NCS1: variants seen among roughly 807,000 people sequenced by gnomAD.
The protein encoded by NCS1 is neuronal calcium sensor 1.
A neutral mutation model predicts 28.4 loss-of-function variants in NCS1; 6 were observed. That is an observed-to-expected ratio of 0.21 (90% confidence interval 0.12 to 0.42). The LOEUF (loss-of-function observed/expected upper bound fraction) is 0.42, where lower values mean the gene tolerates loss of function less well. Ranked by LOEUF, NCS1 falls within the 10% of genes least tolerant of loss-of-function variation. The probability of loss-of-function intolerance (pLI) is 1.00; values close to 1 mark genes in which losing one functional copy is unlikely to be tolerated. For missense variants in NCS1, 131 were observed against 241.4 expected, an observed-to-expected ratio of 0.54 and a Z score of 3.03; for synonymous variants, 86 against 99.3, an observed-to-expected ratio of 0.87 and a Z score of 0.79.
intron 7 of NCS1, among the ~76,000 whole-genome samples, chr9:130,227,067 T>C (rs1483104982): frequency 5.5e-5 from 8 of 146,074 alleles, no homozygotes; most frequent in Non-Finnish European, 1.1e-4. Flanking sequence ...AAGAAAAGAA[T>C]TGTCCTGGGT....
chr9:130,193,046 G>A (rs1832837513), intron 1 of NCS1, among the ~76,000 whole-genome samples: 1 of 152,238 alleles, frequency 6.6e-6, no homozygotes, highest in Non-Finnish European at 1.5e-5. Flanking sequence ...TCTTCGCTTT[G>A]AGGAACTGCC....
At chr9:130,210,079 G>A (rs1554908569) in intron 2 of NCS1, among the ~76,000 whole-genome samples, 1 of 152,090 alleles carries the variant, frequency 6.6e-6, no homozygotes, top group African/African-American at 2.4e-5. Flanking sequence ...GTACGTCCCC[G>A]CCCATGTACT....
intron 2 of NCS1, among the ~76,000 whole-genome samples, chr9:130,207,788 G>A (rs1833047902): frequency 6.6e-6 from 1 of 152,190 alleles, no homozygotes; most frequent in Non-Finnish European, 1.5e-5. Context: ...GGCATCCCAC[G>A]GTGCCAGCTC....
At chr9:130,195,205 C>T (rs1832863010) in intron 1 of NCS1, among the ~76,000 whole-genome samples, 1 of 152,216 alleles carries the variant, frequency 6.6e-6, no homozygotes, top group Admixed American at 6.5e-5. Flanking sequence ...GACCACAGAT[C>T]AGAGGGAGCC....
rs1461534005 is a variant in NCS1 at position 130,219,871 on chromosome 9, C to T, written c.307+68C>T. Reference sequence around the variant, plus strand: ...GCCCAGGTCAGAGGGAGGCAGCCCTCGGCCCTCACCAGGCAGGGGTGCCAG... The same window carrying T: ...GCCCAGGTCAGAGGGAGGCAGCCCTTGGCCCTCACCAGGCAGGGGTGCCAG... On this transcript the variant is annotated intron_variant, in intron 4 of 7. Coordinates refer to ENST00000372398, the MANE Select transcript of NCS1 (RefSeq NM_014286.4). This position sits in a 1 kb window ranked among gnomAD's most constrained non-coding sequence, Gnocchi z 5.7. 22 of 1,520,644 alleles carry T rather than the reference C, an allele frequency of 1.4e-5. No individual in the cohort carries two copies. Among genetic ancestry groups the T allele is most frequent in the East Asian group, 1.4e-4 (6 of 44,368 alleles). 94.2% of individuals were successfully genotyped at this position (1,520,644 alleles called of 1,614,324 possible).
intron 1 of NCS1, chr9:130,200,737 G>C: frequency 6.9e-7 from 1 of 1,446,536 alleles, no homozygotes; most frequent in Non-Finnish European, 9.5e-7. Flanking sequence ...TTGGGCACCG[G>C]GAAGGGGTGG....
At chr9:130,183,452 G>T (rs1832692448) in intron 1 of NCS1, among the ~76,000 whole-genome samples, 1 of 152,202 alleles carries the variant, frequency 6.6e-6, no homozygotes, top group African/African-American at 2.4e-5. Context: ...GGGGAGGGCA[G>T]GAGGAATGTG....
intron 2 of NCS1, among the ~76,000 whole-genome samples, chr9:130,207,577 A>G (rs2131141357): frequency 6.6e-6 from 1 of 152,336 alleles, no homozygotes; most frequent in East Asian, 1.9e-4. Context: ...GCTGACATAT[A>G]GCAGCTGCCA....
At chr9:130,213,376 C>CAAG (rs1554908990) in intron 2 of NCS1, among the ~76,000 whole-genome samples, 9 of 150,642 alleles carry the variant, frequency 6.0e-5, no homozygotes, top group East Asian at 2.0e-4. Flanking sequence ...CTCCTGGGTT[C>CAAG]TCACCATTCT....
At position 130,181,486 on chromosome 9, in the gene NCS1, A is replaced by C. The variant is rs1460792845; in HGVS notation, c.64+8759A>C. ...TTGGTGTTCACGTGTGTTCCTCACC[A>C]ATTCCACCCAGGAGCCCTGTGGGGG... On this transcript the variant is annotated intron_variant, in intron 1 of 7. Coordinates refer to ENST00000372398, the MANE Select transcript of NCS1 (RefSeq NM_014286.4). The surrounding 1 kb of genome is among the most constrained non-coding windows in gnomAD (Gnocchi z 5.0). Among the ~76,000 whole-genome samples the C allele has an allele frequency of 6.9e-6, 1 of 145,830 alleles. No homozygotes were observed. The highest frequency in any genetic ancestry group is 1.5e-5 in the Non-Finnish European group (1 of 67,452).
chr9:130,197,220 A>AT (rs1430733911), intron 1 of NCS1, among the ~76,000 whole-genome samples: 1 of 152,050 alleles, frequency 6.6e-6, no homozygotes, highest in Non-Finnish European at 1.5e-5. Flanking sequence ...AATTTGTTAT[A>AT]TTTTTTATTG....
Position 130,219,817 on chromosome 9 carries a change from C to G in NCS1, c.307+14C>G. 6.2e-7 allele frequency: 1 copy of G among 1,613,972 alleles called. No homozygotes were observed. Among genetic ancestry groups the G allele is most frequent in the South Asian group, 1.1e-5 (1 of 91,066 alleles). On this transcript the variant is annotated intron_variant, in intron 4 of 7. Transcript: ENST00000372398. The surrounding 1 kb of genome is among the most constrained non-coding windows in gnomAD (Gnocchi z 5.7). The stretch of plus-strand genomic sequence containing the variant: ...AGAAGCTACGGTGTAAGTCCTGCCC[C>G]CTTGGCCCTGTGTGGCAGCAGCTGG...
rs369813030 is a variant in NCS1 at position 130,177,909 on chromosome 9, C to T, written c.64+5182C>T. Among the ~76,000 whole-genome samples the T allele has an allele frequency of 4.6e-5, 7 of 152,226 alleles. No homozygotes were observed. In the East Asian group the frequency reaches 5.8e-4, roughly 13 times the overall value. On this transcript the variant is annotated intron_variant, in intron 1 of 7. Transcript: ENST00000372398. This position sits in a 1 kb window ranked among gnomAD's most constrained non-coding sequence, Gnocchi z 4.4. ...CTTCCTTGGGCAAACCTCCTCTCAC[C>T]GGCTTCACTTTCCGCCTCTGGAAAA...
rs1554912276 is a variant in NCS1 at position 130,232,629 on chromosome 9, A to G, written c.*18-361A>G. On this transcript the variant is annotated intron_variant, in intron 7 of 7. Transcript: ENST00000372398. This position sits in a 1 kb window ranked among gnomAD's most constrained non-coding sequence, Gnocchi z 4.4. ...AACCCTGTCTCTACTAAAAAATGCAAAAAGAAATTAGCCAGGCATGGTGGC... is the reference window on the plus strand; with the variant it reads ...AACCCTGTCTCTACTAAAAAATGCAGAAAGAAATTAGCCAGGCATGGTGGC... Among the ~76,000 whole-genome samples the G allele has an allele frequency of 6.6e-6, 1 of 152,008 alleles. No homozygotes were observed. The highest frequency in any genetic ancestry group is 1.5e-5 in the Non-Finnish European group (1 of 67,978).
intron 1 of NCS1, among the ~76,000 whole-genome samples, chr9:130,184,676 G>A (rs904955040): frequency 6.6e-6 from 1 of 151,946 alleles, no homozygotes; most frequent in East Asian, 1.9e-4. Flanking sequence ...CACCCAGGCT[G>A]GAGTGAAATG....
intron 7 of NCS1, among the ~76,000 whole-genome samples, chr9:130,231,073 A>G (rs948661695): frequency 6.6e-6 from 1 of 152,106 alleles, no homozygotes; most frequent in Non-Finnish European, 1.5e-5. Context: ...TATTTAGACC[A>G]TGTGCAGTGG....
At chr9:130,173,748 G>A (rs1194526442) in intron 1 of NCS1, among the ~76,000 whole-genome samples, 1 of 152,198 alleles carries the variant, frequency 6.6e-6, no homozygotes, top group Non-Finnish European at 1.5e-5. Context: ...CACCCCTGGA[G>A]GCAGCAGCTT....
chr9:130,177,685 C>G lies in NCS1; in HGVS notation c.64+4958C>G, dbSNP rs1187986720. On this transcript the variant is annotated intron_variant, in intron 1 of 7. Coordinates refer to ENST00000372398, the MANE Select transcript of NCS1 (RefSeq NM_014286.4). This position sits in a 1 kb window ranked among gnomAD's most constrained non-coding sequence, Gnocchi z 4.4. ...GTGCGGGGCTGGGTCCTCACTCGGC[C>G]TTGGTGACCTTGGGGAAGTCCCTTG... 6.6e-6 allele frequency among the ~76,000 whole-genome samples: 1 copy of G among 152,244 alleles called. No individual in the cohort carries two copies. Among genetic ancestry groups the G allele is most frequent in the Non-Finnish European group, 1.5e-5 (1 of 68,050 alleles).
At position 130,181,472 on chromosome 9, in the gene NCS1, G is replaced by T. The variant is rs78547537; in HGVS notation, c.64+8745G>T. On this transcript the variant is annotated intron_variant, in intron 1 of 7. Coordinates refer to ENST00000372398, the MANE Select transcript of NCS1 (RefSeq NM_014286.4). This position sits in a 1 kb window ranked among gnomAD's most constrained non-coding sequence, Gnocchi z 5.0. ...ACCCAGGCCTGTCCTTGGTGTTCACGTGTGTTCCTCACCAATTCCACCCAG... is the reference window on the plus strand; with the variant it reads ...ACCCAGGCCTGTCCTTGGTGTTCACTTGTGTTCCTCACCAATTCCACCCAG... Among the ~76,000 whole-genome samples, 710 of 151,652 alleles carry T rather than the reference G, an allele frequency of 4.7e-3. 7 individuals are homozygous for T. The highest frequency in any genetic ancestry group is 0.016 in the African/African-American group (679 of 41,196).
Sources: allele counts gnomAD v4.1 joint callset (sites outside exome capture counted in the v4.1 genomes callset), GRCh38; gene constraint gnomAD v4.1.1; non-coding constraint Gnocchi (gnomAD v3.1); transcripts MANE v1.5; gene names NCBI Gene and HGNC (gene_info 2026-07-23, HGNC 2026-07-21).